TSNARE1: variants seen among roughly 807,000 people sequenced by gnomAD.
TSNARE1 encodes t-SNARE domain containing 1, also known as t-SNARE domain-containing protein 1.
A neutral mutation model predicts 62.0 loss-of-function variants in TSNARE1; 49 were observed. That is an observed-to-expected ratio of 0.79 (90% CI 0.63 to 1.00). The LOEUF is 1.00. Among genes scored for constraint, TSNARE1 ranks in the 50% least tolerant of loss-of-function variants. The pLI is 0.00. For synonymous variants in TSNARE1, 328 were observed against 294.4 expected (o/e 1.11, Z -1.17); for missense variants, 755 against 700.1 (o/e 1.08, Z -0.88).
intron 9 of TSNARE1, among the ~76,000 whole-genome samples, chr8:142,302,021 G>C (rs961600385): frequency 6.6e-6 from 1 of 152,176 alleles, no homozygotes; most frequent in South Asian, 2.1e-4. Flanking sequence ...CTGATGCCAC[G>C]CCGGCCACTG....
At chr8:142,327,168 T>G (rs1379551283) in intron 6 of TSNARE1, among the ~76,000 whole-genome samples, 1 of 152,170 alleles carries the variant, frequency 6.6e-6, no homozygotes. Flanking sequence ...ACCGCAAACA[T>G]TCACCGCAGC....
At position 142,233,960 on chromosome 8, in the gene TSNARE1, T is replaced by C. The variant is rs1046535931; in HGVS notation, c.1447-4381A>G. Among the ~76,000 whole-genome samples, 4 of 152,224 alleles carry C rather than the reference T, an allele frequency of 2.6e-5. No individual in the cohort carries two copies. The East Asian group carries it at 7.7e-4, about 29-fold the overall frequency. ...CCTCCCAGCTCAAATCTCACCTCCT[T>C]CCCCAGTGGAGCTGTGGGGGGCGGA... is the stretch of plus-strand genomic sequence containing the variant. On this transcript the variant is annotated intron_variant, in intron 12 of 13. Coordinates refer to ENST00000524325, the MANE Select transcript of TSNARE1 (RefSeq NM_145003.5).
intron 12 of TSNARE1, among the ~76,000 whole-genome samples, chr8:142,237,159 CGGCCCGACTCA>C (rs1817475448): frequency 1.3e-5 from 2 of 152,020 alleles, no homozygotes; most frequent in South Asian, 2.1e-4. Flanking sequence ...TCCCCTCCTG[CGGCCCGACTCA>C]CCTGCCGCCT....
chr8:142,389,026 A>G lies in TSNARE1; in HGVS notation c.-40+14078T>C, dbSNP rs148552382. The stretch of plus-strand genomic sequence containing the variant: ...ATACCACAAAGCTACAGTAATCAAA[A>G]CAGCATGGTGATGACATAAAAACAG... On this transcript the variant is annotated intron_variant, in intron 1 of 13. Transcript: ENST00000524325. Among the ~76,000 whole-genome samples the G allele has an allele frequency of 4.4e-4, 67 of 152,370 alleles. No homozygotes were observed. In the East Asian group the frequency reaches 0.011, roughly 25 times the overall value.
At chr8:142,239,236 G>A (rs982183778) in intron 12 of TSNARE1, among the ~76,000 whole-genome samples, 8 of 152,206 alleles carry the variant, frequency 5.3e-5, no homozygotes, top group Non-Finnish European at 1.0e-4. Context: ...CCTTAGCCAG[G>A]TGGGCTTCCC....
chr8:142,256,818 T>G (rs1350436186), intron 12 of TSNARE1, among the ~76,000 whole-genome samples: 2 of 152,202 alleles, frequency 1.3e-5, no homozygotes, highest in African/African-American at 4.8e-5. Context: ...ACAATCCTCA[T>G]TTGTTAAGCA....
At chr8:142,251,869 C>CGTTCTCT (rs1818185708) in intron 12 of TSNARE1, among the ~76,000 whole-genome samples, 1 of 139,100 alleles carries the variant, frequency 7.2e-6, no homozygotes, top group African/African-American at 2.8e-5. Context: ...CCGCCGCCCG[C>CGTTCTCT]ATTCTCTGTC....
intron 1 of TSNARE1, among the ~76,000 whole-genome samples, chr8:142,402,178 T>A (rs1587178580): frequency 2.6e-5 from 4 of 152,152 alleles, no homozygotes; most frequent in South Asian, 4.1e-4. Flanking sequence ...CAGGTGTGGC[T>A]GGAAAGGCAC....
chr8:142,381,470 C>CG (rs1564005453), intron 1 of TSNARE1, among the ~76,000 whole-genome samples: 1 of 151,692 alleles, frequency 6.6e-6, no homozygotes. Context: ...CTATCAGCGC[C>CG]CCCCCCCACC....
intron 1 of TSNARE1, among the ~76,000 whole-genome samples, chr8:142,398,390 G>A (rs1446636597): frequency 1.6e-5 from 2 of 127,738 alleles, no homozygotes; most frequent in African/African-American, 3.1e-5. Context: ...CACACCTCCA[G>A]CCCCAAAATA....
intron 13 of TSNARE1, among the ~76,000 whole-genome samples, chr8:142,223,268 TCATTCAGTC>T (rs1319691675): frequency 3.3e-5 from 1 of 30,140 alleles, no homozygotes; most frequent in South Asian, 1.4e-3. Flanking sequence ...ACTCACTCAC[TCATTCAGTC>T]ACTCACTCAT....
intron 12 of TSNARE1, among the ~76,000 whole-genome samples, chr8:142,241,165 A>G (rs567713640): frequency 6.6e-6 from 1 of 152,362 alleles, no homozygotes; most frequent in East Asian, 1.9e-4. Flanking sequence ...AAACGAATTC[A>G]GGAAAGTTGC....
At chr8:142,317,975 T>A (rs1828845011) in intron 7 of TSNARE1, among the ~76,000 whole-genome samples, 1 of 151,754 alleles carries the variant, frequency 6.6e-6, no homozygotes, top group African/African-American at 2.4e-5. Context: ...CAAAAAAAAA[T>A]TGCGGACAGG....
intron 12 of TSNARE1, among the ~76,000 whole-genome samples, chr8:142,243,194 G>T (rs547826276): frequency 2.0e-5 from 3 of 152,232 alleles, no homozygotes; most frequent in African/African-American, 4.8e-5. Flanking sequence ...CAGTACAGAG[G>T]TTCCTCAAAA....
chr8:142,380,066 CACA>C (rs563401638), intron 1 of TSNARE1, among the ~76,000 whole-genome samples: 4 of 152,096 alleles, frequency 2.6e-5, no homozygotes, highest in Non-Finnish European at 5.9e-5. Context: ...AGTTCCAGGT[CACA>C]ACAACAACAA....
At chr8:142,353,609 T>C (rs915615487) in intron 2 of TSNARE1, among the ~76,000 whole-genome samples, 1 of 152,144 alleles carries the variant, frequency 6.6e-6, no homozygotes. Flanking sequence ...TGCTGCTCCC[T>C]CTCTGCAGGG....
chr8:142,401,366 G>A (rs747394544), intron 1 of TSNARE1, among the ~76,000 whole-genome samples: 1 of 151,272 alleles, frequency 6.6e-6, no homozygotes, highest in African/African-American at 2.4e-5. Flanking sequence ...CAAGCAGAAG[G>A]CTCTGCATCG....
In TSNARE1 at chr8:142,379,251, G is replaced by A. The variant is rs553751547; in HGVS notation, c.-40+23853C>T. Among the ~76,000 whole-genome samples the A allele has an allele frequency of 3.4e-4, 52 of 152,330 alleles. No homozygotes were observed. The South Asian group carries it at 0.01, about 30-fold the overall frequency. On this transcript the variant is annotated intron_variant, in intron 1 of 13. Transcript: ENST00000524325. ...CCAGCAAGGACAGACCGTCCGTCAC[G>A]GAGTAGGCACCACACCTCTGAGTAA...
chr8:142,323,770 G>T (rs1440436859), intron 6 of TSNARE1, among the ~76,000 whole-genome samples: 2 of 152,192 alleles, frequency 1.3e-5, no homozygotes, highest in Non-Finnish European at 2.9e-5. Context: ...TCGCCATCAC[G>T]AGGCAGTTGC....
Sources: gnomAD v4.1 joint callset for allele counts (sites outside exome capture counted in the v4.1 genomes callset) on GRCh38, gnomAD v4.1.1 for gene constraint, MANE v1.5 for transcripts, NCBI Gene and HGNC (gene_info 2026-07-23, HGNC 2026-07-21) for gene names.